Variants in POLE4 observed in about 807,000 individuals in gnomAD.
POLE4 encodes the protein DNA polymerase epsilon subunit 4.
Under a neutral mutation model 15.6 loss-of-function variants are expected in POLE4, and 15 were observed. That is an observed-to-expected ratio of 0.96 (90% CI 0.64 to 1.48). The LOEUF (loss-of-function observed/expected upper bound fraction) is 1.48, where lower values mean the gene tolerates loss of function less well. Among genes scored for constraint, POLE4 ranks in the 40% most tolerant of loss-of-function variants. POLE4 has a pLI of 0.00. For missense variants in POLE4, 205 were observed against 151.9 expected (o/e 1.35, Z -1.84); for synonymous variants, 83 against 63.2 (o/e 1.31, Z -1.49).
At chr2:74,962,306 C>T (rs1671230857) in intron 3 of POLE4, among the ~76,000 whole-genome samples, 1 of 152,122 alleles carries the variant, frequency 6.6e-6, no homozygotes, top group African/African-American at 2.4e-5. Context: ...ACTATTAGTG[C>T]ATGTATCCCT....
rs1290998626 is a variant in POLE4 at position 74,958,692 on chromosome 2, G to C, written c.13G>C (p.Ala5Pro). 6.8e-7 allele frequency: 1 copy of C among 1,469,848 alleles called. No homozygotes were observed. The allele number at this position is 1,469,848 out of a possible 1,614,324, so 91.1% of individuals were successfully genotyped here. A position where few individuals can be genotyped will look rare whatever the true frequency, so the allele number is the denominator to read the frequency against. MAAA[A>P]AAGSGTPREE... is the part of the protein sequence containing the mutation. ...GCTCAAGGCCGGGATGGCGGCGGCGGCGGCGGCAGGAAGCGGGACGCCCCG... is the reference window on the plus strand; with the variant it reads ...GCTCAAGGCCGGGATGGCGGCGGCGCCGGCGGCAGGAAGCGGGACGCCCCG... Residue 5 changes from alanine to proline, a missense_variant, in exon 1 of 4, where the codon GCG (alanine) becomes CCG (proline). Physicochemically the swap from Ala to Pro is conservative, Grantham distance 27 (BLOSUM62 -1). Transcript: ENST00000483063.
chr2:74,969,444 T>C lies in POLE4; in HGVS notation c.*22T>C. 6.2e-7 allele frequency: 1 copy of C among 1,612,748 alleles called. No individual in the cohort carries two copies. Reference sequence around the variant, plus strand: ...TTGATTGCCGAGCGGGGCAGTTTTGTGAGCCTTCATCTGAAGCCTTCAGTT... The same window carrying C: ...TTGATTGCCGAGCGGGGCAGTTTTGCGAGCCTTCATCTGAAGCCTTCAGTT... On this transcript the variant is annotated 3_prime_UTR_variant, in exon 4 of 4. Transcript: ENST00000483063.
chr2:74,964,620 T>C (rs1371716216), intron 3 of POLE4, among the ~76,000 whole-genome samples: 1 of 152,164 alleles, frequency 6.6e-6, no homozygotes, highest in Non-Finnish European at 1.5e-5. Flanking sequence ...ATATTGCTGT[T>C]TTTAGAAATA....
rs1573430846 is a variant in POLE4, at chr2:74,969,665, A to G, written c.*243A>G. 1.8e-6 allele frequency: 1 copy of G among 560,136 alleles called. No homozygotes were observed. The highest frequency in any genetic ancestry group is 2.9e-5 in the East Asian group (1 of 34,298). 34.7% of individuals were successfully genotyped at this position (560,136 alleles called of 1,614,324 possible). A position where few individuals can be genotyped will look rare whatever the true frequency, so the allele number is the denominator to read the frequency against. The stretch of plus-strand genomic sequence containing the variant: ...CTGCTGCTGCTTAGAGCAGAGATGA[A>G]GAAAGTGTTCTGCATAAGTGGCTTC... On this transcript the variant is annotated 3_prime_UTR_variant, in exon 4 of 4. Coordinates refer to ENST00000483063, the MANE Select transcript of POLE4 (RefSeq NM_019896.4).
intron 2 of POLE4, chr2:74,959,647 G>A: frequency 2.0e-6 from 1 of 510,450 alleles, no homozygotes; most frequent in African/African-American, 1.9e-5. Context: ...GTAGCGGACT[G>A]GATCCCTTCA....
intron 3 of POLE4, among the ~76,000 whole-genome samples, chr2:74,965,391 G>A (rs527333248): frequency 5.3e-5 from 8 of 152,222 alleles, no homozygotes; most frequent in African/African-American, 1.7e-4. Context: ...GAGCCACCGC[G>A]CCTGGCCCAC....
chr2:74,958,962 C>A (rs1573425634), intron 1 of POLE4, 70 bp downstream of exon 1: 1 of 1,415,740 alleles, frequency 7.1e-7, no homozygotes, highest in South Asian at 1.3e-5. Flanking sequence ...CGGGGCCTCC[C>A]GCGGGCGGGG....
At chr2:74,963,010 A>G (rs117492342) in intron 3 of POLE4, among the ~76,000 whole-genome samples, 152 of 152,364 alleles carry the variant, frequency 1.0e-3, no homozygotes, top group Non-Finnish European at 1.3e-3. Flanking sequence ...GTTCCTTGCT[A>G]TATGACAGTA....
rs1364892207 is a variant in POLE4, at chr2:74,958,748, G to A, written c.69G>A (p.Ala23=). 3.3e-6 allele frequency: 5 copies of A among 1,528,314 alleles called. No homozygotes were observed. The highest frequency in any genetic ancestry group is 2.9e-5 in the African/African-American group (2 of 69,996). The allele number at this position is 1,528,314 out of a possible 1,614,324, so 94.7% of individuals were successfully genotyped here. ...AGGAGGGACCTGCTGGGGAGGCAGC[G>A]GCCTCGCAGCCCCAGGCCCCAACGA... ...REEEGPAGEA[A]ASQPQAPTSV... The change falls in exon 1 of 4, where the codon GCG becomes GCA. Residue 23 remains alanine, a synonymous_variant. Transcript: ENST00000483063.
In POLE4 at chr2:74,958,709, GACGC is replaced by G; in HGVS notation, c.31_34del (p.Thr11ProfsTer35). 4 of 1,483,152 alleles carry G rather than the reference GACGC, an allele frequency of 2.7e-6. No homozygotes were observed. Among genetic ancestry groups the G allele is most frequent in the Non-Finnish European group, 3.6e-6 (4 of 1,121,442 alleles). 91.9% of individuals were successfully genotyped at this position (1,483,152 alleles called of 1,614,324 possible). ...CGGCGGCGGCGGCGGCAGGAAGCGG[GACGC>G]CCCGAGAGGAGGAGGGACCTGCTGG... is the stretch of plus-strand genomic sequence containing the variant. On this transcript the variant is annotated frameshift_variant, in exon 1 of 4. Transcript: ENST00000483063. LOFTEE classifies it high-confidence loss of function.
intron 2 of POLE4, 139 bp from the exon 3 acceptor site, chr2:74,959,966 C>A (rs1007706878): frequency 2.9e-6 from 2 of 691,174 alleles, no homozygotes; most frequent in African/African-American, 3.6e-5. Context: ...AGATATGGAT[C>A]TCAAGGCAGC....
At position 74,958,870 on chromosome 2, in the gene POLE4, T is replaced by C. The variant is rs1241466232; in HGVS notation, c.191T>C (p.Ile64Thr). 4 of 1,559,424 alleles carry C rather than the reference T, an allele frequency of 2.6e-6. No homozygotes were observed. The East Asian group carries it at 7.3e-5, about 28-fold the overall frequency. The change falls in exon 1 of 4, where the codon ATC (isoleucine) becomes ACC (threonine). Residue 64 changes from isoleucine (I) to threonine (T), a missense_variant. By Grantham distance (89) the Ile-to-Thr change is moderately conservative. Coordinates refer to ENST00000483063, the MANE Select transcript of POLE4 (RefSeq NM_019896.4). The part of the protein sequence containing the change: ...PDVTLAGQEA[I>T]FILARAAELF... ...GTGACGCTAGCGGGACAGGAAGCCATCTTCATTCTGGCACGAGCCGCGGTG... is the reference window on the plus strand; with the variant it reads ...GTGACGCTAGCGGGACAGGAAGCCACCTTCATTCTGGCACGAGCCGCGGTG...
At position 74,960,128 on chromosome 2, in the gene POLE4, G is replaced by C; in HGVS notation, c.322G>C (p.Glu108Gln). ...AGATAATGCAATAGAAGCTGTGGAT[G>C]AATTTGCTTTTCTGGAAGGTGAGTT... Reference protein sequence around the residue: ...DLDNAIEAVDEFAFLEGTLD With the variant: ...DLDNAIEAVDQFAFLEGTLD Residue 108 changes from glutamate (E) to glutamine (Q), a missense_variant, in exon 3 of 4, where the codon GAA (glutamate) becomes CAA (glutamine). Physicochemically the swap from Glu to Gln is conservative, Grantham distance 29. Coordinates refer to ENST00000483063, the MANE Select transcript of POLE4 (RefSeq NM_019896.4). The C allele has an allele frequency of 6.2e-7, 1 of 1,613,892 alleles. No homozygotes were observed.
At chr2:74,963,930 C>G (rs935710298) in intron 3 of POLE4, among the ~76,000 whole-genome samples, 7 of 147,224 alleles carry the variant, frequency 4.8e-5, no homozygotes, top group East Asian at 3.8e-4. Flanking sequence ...TTCCTTATAA[C>G]TAATGCTATT....
At chr2:74,959,483 T>G (rs774981491) in intron 2 of POLE4, 58 bp downstream of exon 2, 8 of 1,121,340 alleles carry the variant, frequency 7.1e-6, no homozygotes, top group Non-Finnish European at 1.1e-5. Context: ...TGGTTTCCCC[T>G]TGTGCAGGTT....
intron 2 of POLE4, 64 bp from the exon 3 acceptor site, chr2:74,960,041 C>A: frequency 1.4e-6 from 2 of 1,388,414 alleles, no homozygotes; most frequent in Non-Finnish European, 2.0e-6. Context: ...GCAGATTGTG[C>A]TGTTTTCTGA....
chr2:74,967,387 C>G (rs1487426699), intron 3 of POLE4, among the ~76,000 whole-genome samples: 1 of 150,282 alleles, frequency 6.7e-6, no homozygotes, highest in Non-Finnish European at 1.5e-5. Context: ...GGTTCCTTTC[C>G]AAATCTGTTG....
chr2:74,960,035 A>T, intron 2 of POLE4, 70 bp from the exon 3 acceptor site: 1 of 1,323,510 alleles, frequency 7.6e-7, no homozygotes, highest in East Asian at 2.3e-5. Context: ...TTCACTGCAG[A>T]TTGTGCTGTT....
At chr2:74,965,566 T>G (rs200455160) in intron 3 of POLE4, among the ~76,000 whole-genome samples, 3 of 152,230 alleles carry the variant, frequency 2.0e-5, no homozygotes, top group Non-Finnish European at 2.9e-5. Flanking sequence ...TTCTGTCTGC[T>G]TATTTTACCT....
Sources: gnomAD v4.1 joint callset for allele counts (sites outside exome capture counted in the v4.1 genomes callset) on GRCh38, gnomAD v4.1.1 for gene constraint, MANE v1.5 for transcripts, NCBI Gene and HGNC (gene_info 2026-07-23, HGNC 2026-07-21) for gene names.